The following ALCAM variants were observed in gnomAD, a reference collection of about 807,000 sequenced individuals.
ALCAM encodes the protein CD166 antigen.
In ALCAM, 30 loss-of-function variants were observed where a neutral mutation model predicts 70.9. The ratio of observed to expected loss-of-function variants is 0.42; its 90% CI spans 0.32 to 0.57. ALCAM has a LOEUF of 0.57. Ranked by LOEUF, ALCAM falls within the 20% of genes least tolerant of loss-of-function variation. The pLI, the probability that ALCAM is intolerant of heterozygous loss-of-function variation, is 0.11. For missense variants in ALCAM, 591 were observed against 695.1 expected, an observed-to-expected ratio of 0.85 and a Z score of 1.68; for synonymous variants, 249 against 242.5, an observed-to-expected ratio of 1.03 and a Z score of -0.25.
At chr3:105,540,164 C>A in intron 7 of ALCAM, 62 bp downstream of exon 7, 1 of 1,515,064 alleles carries the variant, frequency 6.6e-7, no homozygotes, top group Non-Finnish European at 9.1e-7. Context: ...TTGACTTCTA[C>A]ATGGATAGAT....
At chr3:105,461,488 A>C (rs1937604662) in intron 1 of ALCAM, among the ~76,000 whole-genome samples, 1 of 151,882 alleles carries the variant, frequency 6.6e-6, no homozygotes, top group Admixed American at 6.6e-5. Flanking sequence ...TGGAAGTCAA[A>C]TTAAATAAAA....
intron 1 of ALCAM, among the ~76,000 whole-genome samples, chr3:105,418,469 C>T (rs1192901602): frequency 1.3e-5 from 2 of 151,188 alleles, no homozygotes; most frequent in Non-Finnish European, 3.0e-5. Context: ...GTGCCTCTTT[C>T]AATCAGTTTT....
intron 1 of ALCAM, among the ~76,000 whole-genome samples, chr3:105,447,088 A>G (rs570418233): frequency 6.6e-6 from 1 of 152,314 alleles, no homozygotes. Flanking sequence ...CGCACAATGT[A>G]TACATGTATC....
chr3:105,555,391 T>C (rs1439227885), intron 14 of ALCAM, among the ~76,000 whole-genome samples: 1 of 152,046 alleles, frequency 6.6e-6, no homozygotes, highest in Non-Finnish European at 1.5e-5. Flanking sequence ...TTTGCATTCC[T>C]GGTTAGTTAT....
At chr3:105,549,455 G>T (rs1940340157) in intron 11 of ALCAM, among the ~76,000 whole-genome samples, 1 of 151,414 alleles carries the variant, frequency 6.6e-6, no homozygotes, top group South Asian at 2.1e-4. Context: ...AGAAAAGAGT[G>T]CAAGTACATT....
intron 1 of ALCAM, among the ~76,000 whole-genome samples, chr3:105,475,412 A>T (rs1312370911): frequency 2.0e-5 from 3 of 151,950 alleles, no homozygotes; most frequent in Non-Finnish European, 4.4e-5. Flanking sequence ...TAAAACAGTA[A>T]ATTGCAATAT....
chr3:105,538,472 A>T (rs1940027141), intron 6 of ALCAM, among the ~76,000 whole-genome samples: 1 of 152,154 alleles, frequency 6.6e-6, no homozygotes, highest in Admixed American at 6.5e-5. Context: ...TTACTGTCAA[A>T]ACGCAAATGT....
At chr3:105,404,693 T>C (rs1291163643) in intron 1 of ALCAM, among the ~76,000 whole-genome samples, 2 of 148,090 alleles carry the variant, frequency 1.4e-5, no homozygotes, top group African/African-American at 5.0e-5. Flanking sequence ...AAACAAGGTA[T>C]TTAGGAAAAA....
In ALCAM at chr3:105,547,430, T is replaced by C. The variant is rs16851279; in HGVS notation, c.1281T>C (p.Ser427=). ...QIKMTKKTDP[S]GLSKTIICHV... ...AAATGACAAAGAAAACTGATCCCAG[T>C]GGACTATCTAAAACAATAATCTGCC... is the stretch of plus-strand genomic sequence containing the variant. Residue 427 remains serine (S), a synonymous_variant, in exon 11 of 16, where the codon AGT becomes AGC. Transcript: ENST00000306107. 0.11 allele frequency: 179,030 copies of C among 1,609,676 alleles called. 11,493 individuals carry two copies. The highest frequency in any genetic ancestry group is 0.25 in the Admixed American group (14,970 of 59,568).
rs187742968 is a variant in ALCAM, at chr3:105,475,734, T to C, written c.74-44333T>C. Among the ~76,000 whole-genome samples the C allele has an allele frequency of 1.1e-3, 171 of 152,114 alleles. 3 individuals carry two copies. Among genetic ancestry groups the C allele is most frequent in the African/African-American group, 4.0e-3 (165 of 41,524 alleles). ...CTATTGGACTAGTTTTTAAAACTGG[T>C]AGCTCATATCTGTCATAGCTTCTCC... is the stretch of plus-strand genomic sequence containing the variant. On this transcript the variant is annotated intron_variant, in intron 1 of 15. Transcript: ENST00000306107.
intron 1 of ALCAM, among the ~76,000 whole-genome samples, chr3:105,422,772 C>A (rs1936700949): frequency 6.6e-6 from 1 of 151,406 alleles, no homozygotes; most frequent in Admixed American, 6.6e-5. Context: ...ATTCTCCAAC[C>A]TCTTCCTGAA....
chr3:105,425,413 T>C (rs778072989), intron 1 of ALCAM, among the ~76,000 whole-genome samples: 1 of 151,778 alleles, frequency 6.6e-6, no homozygotes. Flanking sequence ...GACTCCTGCA[T>C]TGGGCATTGG....
chr3:105,438,153 A>G (rs1230511943), intron 1 of ALCAM, among the ~76,000 whole-genome samples: 1 of 151,930 alleles, frequency 6.6e-6, no homozygotes, highest in Admixed American at 6.6e-5. Flanking sequence ...TAGTCCAATT[A>G]TTGATCTTCT....
intron 1 of ALCAM, among the ~76,000 whole-genome samples, chr3:105,468,804 G>A (rs113223357): frequency 4.2e-4 from 64 of 151,402 alleles, no homozygotes; most frequent in South Asian, 1.2e-3. Flanking sequence ...AACAAATGCT[G>A]TAAGTCCCCT....
chr3:105,477,278 A>C (rs1938146978), intron 1 of ALCAM, among the ~76,000 whole-genome samples: 1 of 152,032 alleles, frequency 6.6e-6, no homozygotes, highest in African/African-American at 2.4e-5. Flanking sequence ...TTTTGAGCTC[A>C]TTTGGTATTA....
chr3:105,554,892 T>A (rs6792193), intron 14 of ALCAM, among the ~76,000 whole-genome samples: 3,245 of 152,026 alleles, frequency 0.021, 94 homozygotes, highest in African/African-American at 0.07. Context: ...TAATTTTACT[T>A]CTTAAAACAA....
At chr3:105,549,992 T>C (rs886346249) in intron 11 of ALCAM, 135 bp from the exon 12 acceptor site, 1 of 633,510 alleles carries the variant, frequency 1.6e-6, no homozygotes, top group Non-Finnish European at 2.5e-6. Context: ...TCTTGATCTA[T>C]GATCTTACAT....
chr3:105,514,665 G>C (rs918314132), intron 1 of ALCAM, among the ~76,000 whole-genome samples: 1 of 151,750 alleles, frequency 6.6e-6, no homozygotes, highest in Non-Finnish European at 1.5e-5. Flanking sequence ...ATAATCCTGG[G>C]TACTACTAGT....
At chr3:105,495,164 T>C (rs894118236) in intron 1 of ALCAM, among the ~76,000 whole-genome samples, 6 of 152,248 alleles carry the variant, frequency 3.9e-5, no homozygotes, top group African/African-American at 1.4e-4. Context: ...CTGTGTCATC[T>C]GTGGTGACGA....
Sources: allele counts gnomAD v4.1 joint callset (sites outside exome capture counted in the v4.1 genomes callset), GRCh38; gene constraint gnomAD v4.1.1; transcripts MANE v1.5; gene names NCBI Gene and HGNC (gene_info 2026-07-23, HGNC 2026-07-21).